Variants in PHACTR3 observed in about 807,000 individuals in gnomAD.
PHACTR3 encodes protein phosphatase 1, regulatory subunit 123.
In PHACTR3, 16 loss-of-function variants were observed where a neutral mutation model predicts 66.8. The observed-to-expected ratio is 0.24, with a 90% CI of 0.16 to 0.36. The LOEUF is 0.36. Ranked by LOEUF, PHACTR3 falls within the 10% of genes least tolerant of loss-of-function variation. The pLI, the probability that PHACTR3 is intolerant of heterozygous loss-of-function variation, is 1.00. For synonymous variants in PHACTR3, 323 were observed against 292.1 expected (o/e 1.11, Z -1.08); for missense variants, 647 against 719.9 (o/e 0.90, Z 1.16).
In PHACTR3 at chr20:59,847,317, T is replaced by C. The variant is rs571917317; in HGVS notation, c.*187T>C. ...CAAGAGGAGTAACCAGAGGACACAC[T>C]TCCTTCCTTCTTTGGTGTCTGAGGA... On this transcript the variant is annotated 3_prime_UTR_variant, in exon 13 of 13. Coordinates refer to ENST00000371015, the MANE Select transcript of PHACTR3 (RefSeq NM_080672.5). 25 of 463,596 alleles carry C rather than the reference T, an allele frequency of 5.4e-5. No homozygotes were observed. Among genetic ancestry groups the C allele is most frequent in the African/African-American group, 4.0e-4 (21 of 52,432 alleles). 28.7% of individuals were successfully genotyped at this position (463,596 alleles called of 1,614,324 possible).
chr20:59,631,367 G>A (rs1384851372), intron 1 of PHACTR3, among the ~76,000 whole-genome samples: 7 of 152,138 alleles, frequency 4.6e-5, no homozygotes, highest in Non-Finnish European at 8.8e-5. Context: ...CAGATGCCCC[G>A]CTCTTCTGTC....
At chr20:59,834,903 C>T (rs1265112559) in intron 8 of PHACTR3, among the ~76,000 whole-genome samples, 1 of 152,212 alleles carries the variant, frequency 6.6e-6, no homozygotes, top group African/African-American at 2.4e-5. Flanking sequence ...ACATAAAATA[C>T]ACTAACGATA....
chr20:59,802,165 A>C (rs1161104787), intron 7 of PHACTR3, among the ~76,000 whole-genome samples: 1 of 152,166 alleles, frequency 6.6e-6, no homozygotes, highest in Non-Finnish European at 1.5e-5. Flanking sequence ...AAGCATGGTG[A>C]AGAAAGCTGA....
chr20:59,833,783 A>G (rs1385785431), intron 8 of PHACTR3, among the ~76,000 whole-genome samples: 1 of 152,200 alleles, frequency 6.6e-6, no homozygotes, highest in South Asian at 2.1e-4. Context: ...ATAGGTAAAG[A>G]AAGGCAAATT....
At chr20:59,724,608 T>C (rs545290663) in intron 1 of PHACTR3, among the ~76,000 whole-genome samples, 2 of 152,114 alleles carry the variant, frequency 1.3e-5, no homozygotes, top group Non-Finnish European at 2.9e-5. Context: ...ATTTGAAGCC[T>C]AGTGCATATA....
chr20:59,607,570 A>C (rs1215631368), intron 1 of PHACTR3, among the ~76,000 whole-genome samples: 1 of 152,252 alleles, frequency 6.6e-6, no homozygotes, highest in Non-Finnish European at 1.5e-5. Flanking sequence ...AAAGACTCAA[A>C]GCATTCTTCA....
intron 7 of PHACTR3, among the ~76,000 whole-genome samples, chr20:59,788,083 TGTC>T (rs2040973900): frequency 6.6e-6 from 1 of 152,154 alleles, no homozygotes. Flanking sequence ...CATATTTGTT[TGTC>T]TTTTATCCTT....
intron 7 of PHACTR3, among the ~76,000 whole-genome samples, chr20:59,791,028 G>T (rs994757634): frequency 6.6e-6 from 1 of 152,148 alleles, no homozygotes; most frequent in East Asian, 1.9e-4. Flanking sequence ...CACCAGGGAG[G>T]TGAGGGTAGA....
In PHACTR3 at chr20:59,829,242, T is replaced by A. The variant is rs2042277751; in HGVS notation, c.1329-7263T>A. Among the ~76,000 whole-genome samples, 1 of 152,142 alleles carries A rather than the reference T, an allele frequency of 6.6e-6. No homozygotes were observed. Among genetic ancestry groups the A allele is most frequent in the Non-Finnish European group, 1.5e-5 (1 of 68,014 alleles). ...TGAGATGGGGCTTGCCCCAGGCATG[T>A]GGACCAGCAGCCAGCACCTCTCAGC... On this transcript the variant is annotated intron_variant, in intron 8 of 12. Coordinates refer to ENST00000371015, the MANE Select transcript of PHACTR3 (RefSeq NM_080672.5). This position sits in a 1 kb window ranked among gnomAD's most constrained non-coding sequence, Gnocchi z 4.2.
At chr20:59,657,354 G>A (rs904461353) in intron 1 of PHACTR3, among the ~76,000 whole-genome samples, 48 of 151,802 alleles carry the variant, frequency 3.2e-4, no homozygotes, top group African/African-American at 1.2e-3. Flanking sequence ...TATGCATTCA[G>A]GCTGTCTTTC....
At chr20:59,797,790 C>T (rs185725894) in intron 7 of PHACTR3, among the ~76,000 whole-genome samples, 28 of 151,826 alleles carry the variant, frequency 1.8e-4, no homozygotes, top group African/African-American at 5.8e-4. Flanking sequence ...GCTTTTTGAG[C>T]GATAAACTAA....
intron 1 of PHACTR3, among the ~76,000 whole-genome samples, chr20:59,587,517 C>T (rs1379060023): frequency 6.6e-6 from 1 of 152,250 alleles, no homozygotes; most frequent in Non-Finnish European, 1.5e-5. Flanking sequence ...TTACCACCAA[C>T]TCAGCAGCTA....
intron 8 of PHACTR3, among the ~76,000 whole-genome samples, chr20:59,825,432 T>A (rs1266756060): frequency 1.3e-5 from 2 of 152,040 alleles, no homozygotes; most frequent in Non-Finnish European, 2.9e-5. Context: ...ACTCGTTCAT[T>A]CACTCATTCA....
intron 1 of PHACTR3, among the ~76,000 whole-genome samples, chr20:59,672,288 T>C (rs2036222335): frequency 6.6e-6 from 1 of 152,206 alleles, no homozygotes; most frequent in Admixed American, 6.5e-5. Flanking sequence ...GTGCCCTGAG[T>C]CCCTGTCCCA....
chr20:59,820,527 G>A lies in PHACTR3; in HGVS notation c.1328+14333G>A, dbSNP rs185719896. 8.9e-4 allele frequency among the ~76,000 whole-genome samples: 135 copies of A among 152,298 alleles called. No homozygotes were observed. The highest frequency in any genetic ancestry group is 3.2e-3 in the African/African-American group (132 of 41,546). ...GAGGATATAAATATGACGCTTCATC[G>A]TCTTGGGTGGAAGTCCCCGTGTACA... On this transcript the variant is annotated intron_variant, in intron 8 of 12. Transcript: ENST00000371015. The surrounding 1 kb of genome is among the most constrained non-coding windows in gnomAD (Gnocchi z 4.6).
chr20:59,586,041 C>T (rs900920913), intron 1 of PHACTR3, among the ~76,000 whole-genome samples: 3 of 152,134 alleles, frequency 2.0e-5, no homozygotes, highest in Non-Finnish European at 1.5e-5. Context: ...CAGGCCTGCC[C>T]GGACATCTTC....
At chr20:59,605,252 G>A in intron 1 of PHACTR3, 120 bp downstream of exon 1, 1 of 647,172 alleles carries the variant, frequency 1.5e-6, no homozygotes, top group Non-Finnish European at 2.2e-6. Context: ...GCAGGAACCC[G>A]CGCTCGGCCC....
intron 7 of PHACTR3, among the ~76,000 whole-genome samples, chr20:59,798,590 T>G (rs964823479): frequency 1.3e-5 from 2 of 152,114 alleles, no homozygotes; most frequent in Non-Finnish European, 2.9e-5. Context: ...TGGTAGTTTG[T>G]GTTTTTTCAA....
intron 1 of PHACTR3, among the ~76,000 whole-genome samples, chr20:59,671,145 A>G (rs954619757): frequency 6.6e-6 from 1 of 152,038 alleles, no homozygotes; most frequent in African/African-American, 2.4e-5. Context: ...AATTCCTGTC[A>G]TGGAAAATCA....
Sources: gnomAD v4.1 joint callset for allele counts (sites outside exome capture counted in the v4.1 genomes callset) on GRCh38, gnomAD v4.1.1 for gene constraint, Gnocchi (gnomAD v3.1) non-coding constraint, MANE v1.5 for transcripts, NCBI Gene and HGNC (gene_info 2026-07-23, HGNC 2026-07-21) for gene names.